Variants in PTPRM observed in about 807,000 individuals in gnomAD.
PTPRM encodes the protein receptor-type tyrosine-protein phosphatase mu.
A neutral mutation model predicts 186.7 loss-of-function variants in PTPRM; 47 were observed. The ratio of observed to expected loss-of-function variants is 0.25; its 90% CI spans 0.20 to 0.32. The LOEUF (loss-of-function observed/expected upper bound fraction) is 0.32. Among genes scored for constraint, PTPRM ranks in the 10% least tolerant of loss-of-function variants. The pLI, the probability that PTPRM is intolerant of heterozygous loss-of-function variation, is 1.00. For synonymous variants in PTPRM, 668 were observed against 674.9 expected, an observed-to-expected ratio of 0.99 and a Z score of 0.16; for missense variants, 1,494 against 1,865.0, an observed-to-expected ratio of 0.80 and a Z score of 3.66.
intron 13 of PTPRM, among the ~76,000 whole-genome samples, chr18:8,118,306 C>T (rs1481139018): frequency 6.6e-6 from 1 of 152,126 alleles, no homozygotes; most frequent in Non-Finnish European, 1.5e-5. Context: ...TTGAGTGCCT[C>T]CTTGATTTAT....
rs563534797 is a variant in PTPRM, at chr18:8,073,116, C to T, written c.1441+3122C>T. ...ATTACTGTTAGTATTTTCTTTTATA[C>T]GAATTGAATGAAACAAATATTTGTT... On this transcript the variant is annotated intron_variant, in intron 8 of 32. Transcript: ENST00000580170. Among the ~76,000 whole-genome samples the T allele has an allele frequency of 2.6e-4, 39 of 152,202 alleles. No individual in the cohort carries two copies. The South Asian group carries it at 5.2e-3, about 20-fold the overall frequency.
At chr18:7,637,505 T>G (rs1356334187) in intron 1 of PTPRM, among the ~76,000 whole-genome samples, 1 of 152,216 alleles carries the variant, frequency 6.6e-6, no homozygotes, top group East Asian at 1.9e-4. Context: ...CCTCATTCAT[T>G]TGTTTGCTCA....
At chr18:8,351,838 G>C (rs1326172357) in intron 23 of PTPRM, among the ~76,000 whole-genome samples, 2 of 152,172 alleles carry the variant, frequency 1.3e-5, no homozygotes, top group African/African-American at 4.8e-5. Context: ...CGAATACTGA[G>C]CTATCAGCAG....
At chr18:7,651,295 A>C (rs1310967033) in intron 1 of PTPRM, among the ~76,000 whole-genome samples, 1 of 152,160 alleles carries the variant, frequency 6.6e-6, no homozygotes, top group Non-Finnish European at 1.5e-5. Context: ...GACTGATGAA[A>C]GAAAACATTG....
intron 1 of PTPRM, among the ~76,000 whole-genome samples, chr18:7,628,463 A>T (rs6506521): frequency 1.3e-5 from 2 of 152,102 alleles, no homozygotes; most frequent in Non-Finnish European, 2.9e-5. Flanking sequence ...TCATACAAAA[A>T]CGTGATTGTA....
rs201369111 is a variant in PTPRM, at chr18:8,169,429, AAATAAT to A, written c.2300+25653_2300+25658del. Among the ~76,000 whole-genome samples, 1,262 of 152,246 alleles carry A rather than the reference AAATAAT, an allele frequency of 8.3e-3. 15 individuals carry two copies. The highest frequency in any genetic ancestry group is 0.022 in the African/African-American group (902 of 41,544). On this transcript the variant is annotated intron_variant, in intron 14 of 32. Transcript: ENST00000580170. ...CAGTTGTGGGGGTGAAGGAAAATAA[AAATAAT>A]AAGTCTAAAAGTAATAGGTCTACTT... is the stretch of plus-strand genomic sequence containing the variant.
intron 32 of PTPRM, among the ~76,000 whole-genome samples, chr18:8,398,158 AT>A (rs1309355900): frequency 2.0e-5 from 3 of 151,768 alleles, no homozygotes; most frequent in African/African-American, 7.3e-5. Flanking sequence ...TTTTATTTTT[AT>A]TTTTTTAGAG....
At chr18:7,823,276 A>C (rs910281968) in intron 2 of PTPRM, among the ~76,000 whole-genome samples, 1 of 152,096 alleles carries the variant, frequency 6.6e-6, no homozygotes, top group African/African-American at 2.4e-5. Context: ...TTATTTGGAG[A>C]CTTCACAAGT....
chr18:8,375,558 A>G (rs986159735), intron 24 of PTPRM, among the ~76,000 whole-genome samples: 2 of 152,204 alleles, frequency 1.3e-5, no homozygotes, highest in Non-Finnish European at 2.9e-5. Flanking sequence ...ATGCTCAGTG[A>G]GTGTGCACCA....
At chr18:8,281,725 G>A (rs528629158) in intron 19 of PTPRM, among the ~76,000 whole-genome samples, 3 of 152,152 alleles carry the variant, frequency 2.0e-5, no homozygotes, top group East Asian at 3.9e-4. Context: ...TGAAGAAGGC[G>A]TCTCCTAACA....
At chr18:8,138,761 C>T (rs374948834) in intron 13 of PTPRM, among the ~76,000 whole-genome samples, 1 of 152,162 alleles carries the variant, frequency 6.6e-6, no homozygotes, top group African/African-American at 2.4e-5. Flanking sequence ...GCAGGCAGCT[C>T]CTTTCCCTCC....
chr18:7,666,647 TAGTC>T (rs925119431), intron 1 of PTPRM, among the ~76,000 whole-genome samples: 29 of 152,258 alleles, frequency 1.9e-4, no homozygotes, highest in African/African-American at 6.8e-4. Flanking sequence ...TTCCAGTTCT[TAGTC>T]AGTATATCAG....
At chr18:8,143,843 G>A in intron 14 of PTPRM, 64 bp downstream of exon 14, 1 of 1,579,850 alleles carries the variant, frequency 6.3e-7, no homozygotes, top group Non-Finnish European at 8.7e-7. Flanking sequence ...TGTTTTGTGT[G>A]TGTGAAAATT....
intron 22 of PTPRM, among the ~76,000 whole-genome samples, chr18:8,321,270 A>G (rs2095343830): frequency 6.6e-6 from 1 of 152,218 alleles, no homozygotes; most frequent in South Asian, 2.1e-4. Context: ...TTTCATAGAT[A>G]ACAAGAACAT....
chr18:7,861,109 T>C (rs1026179011), intron 2 of PTPRM, among the ~76,000 whole-genome samples: 1 of 152,200 alleles, frequency 6.6e-6, no homozygotes, highest in Admixed American at 6.5e-5. Context: ...CCTGAAGCCC[T>C]AGTCCATGTC....
chr18:7,983,400 G>A (rs531776684), intron 7 of PTPRM, among the ~76,000 whole-genome samples: 1 of 152,084 alleles, frequency 6.6e-6, no homozygotes, highest in South Asian at 2.1e-4. Flanking sequence ...GGTCCCTGGT[G>A]CCAAAAAGTT....
intron 16 of PTPRM, 37 bp from the exon 17 acceptor site, chr18:8,248,113 A>G: frequency 6.6e-7 from 1 of 1,519,438 alleles, no homozygotes; most frequent in Non-Finnish European, 9.1e-7. Flanking sequence ...TTCTCTTTTT[A>G]CTTTCTCTGC....
At chr18:8,327,184 C>T (rs9916903) in intron 22 of PTPRM, among the ~76,000 whole-genome samples, 31,229 of 152,170 alleles carry the variant, frequency 0.21, 3,443 homozygotes, top group Middle Eastern at 0.26. Flanking sequence ...CCACCACATG[C>T]CATTGACCTT....
At chr18:7,985,027 A>G (rs1260778415) in intron 7 of PTPRM, among the ~76,000 whole-genome samples, 2 of 125,872 alleles carry the variant, frequency 1.6e-5, no homozygotes, top group African/African-American at 6.3e-5. Flanking sequence ...TTATATATAC[A>G]TATATAAATA....
Sources: allele counts gnomAD v4.1 joint callset (sites outside exome capture counted in the v4.1 genomes callset), GRCh38; gene constraint gnomAD v4.1.1; transcripts MANE v1.5; gene names NCBI Gene and HGNC (gene_info 2026-07-23, HGNC 2026-07-21).